The following ALCAM variants were observed in gnomAD, a reference collection of about 807,000 sequenced individuals.
ALCAM encodes the protein activated leukocyte cell adhesion molecule.
ALCAM carries 30 observed loss-of-function variants against 70.9 expected under a neutral mutation model. The ratio of observed to expected loss-of-function variants is 0.42; its 90% confidence interval spans 0.32 to 0.57. The LOEUF (loss-of-function observed/expected upper bound fraction) is 0.57, where lower values mean the gene tolerates loss of function less well. Among genes scored for constraint, ALCAM ranks in the 20% least tolerant of loss-of-function variants. The pLI is 0.11. For synonymous variants in ALCAM, 249 were observed against 242.5 expected, an observed-to-expected ratio of 1.03 and a Z score of -0.25; for missense variants, 591 against 695.1, an observed-to-expected ratio of 0.85 and a Z score of 1.68.
At chr3:105,508,095 C>T (rs1269929743) in intron 1 of ALCAM, among the ~76,000 whole-genome samples, 1 of 152,070 alleles carries the variant, frequency 6.6e-6, no homozygotes, top group African/African-American at 2.4e-5. Context: ...TTCCTGGGAG[C>T]AAGTGCCAAA....
At chr3:105,474,431 C>A (rs998949692) in intron 1 of ALCAM, among the ~76,000 whole-genome samples, 1 of 151,648 alleles carries the variant, frequency 6.6e-6, no homozygotes, top group Non-Finnish European at 1.5e-5. Flanking sequence ...TTTCTGGTTG[C>A]ATGAGAGGAT....
intron 1 of ALCAM, among the ~76,000 whole-genome samples, chr3:105,401,002 TCTTA>T (rs1157107340): frequency 2.6e-5 from 4 of 152,194 alleles, no homozygotes; most frequent in African/African-American, 9.6e-5. Context: ...TACTAAAGAC[TCTTA>T]CTATTAAAGA....
chr3:105,454,547 T>A (rs1937507386), intron 1 of ALCAM, among the ~76,000 whole-genome samples: 2 of 152,126 alleles, frequency 1.3e-5, no homozygotes, highest in South Asian at 4.1e-4. Context: ...TGCCTGTGTG[T>A]TCCAGTCCTA....
At chr3:105,433,342 C>T (rs9876906) in intron 1 of ALCAM, among the ~76,000 whole-genome samples, 13,186 of 152,100 alleles carry the variant, frequency 0.087, 661 homozygotes, top group Non-Finnish European at 0.12. Context: ...AAGTGTTTCA[C>T]TACAAGATCC....
chr3:105,532,216 G>A (rs1939857541), intron 4 of ALCAM, 150 bp downstream of exon 4: 1 of 692,554 alleles, frequency 1.4e-6, no homozygotes, highest in Non-Finnish European at 2.5e-6. Context: ...ACAAGGCACA[G>A]AGGGTACAAC....
chr3:105,538,307 G>T (rs1185266314), intron 6 of ALCAM, among the ~76,000 whole-genome samples: 1 of 152,034 alleles, frequency 6.6e-6, no homozygotes, highest in Non-Finnish European at 1.5e-5. Flanking sequence ...TCAAGACATG[G>T]TGACTGAATG....
At chr3:105,445,737 G>A (rs747640246) in intron 1 of ALCAM, among the ~76,000 whole-genome samples, 4 of 152,106 alleles carry the variant, frequency 2.6e-5, no homozygotes, top group African/African-American at 4.8e-5. Flanking sequence ...AGAAAGGACA[G>A]TCTTTCAATA....
At chr3:105,455,163 C>T (rs1324726630) in intron 1 of ALCAM, among the ~76,000 whole-genome samples, 2 of 151,680 alleles carry the variant, frequency 1.3e-5, no homozygotes, top group Admixed American at 1.3e-4. Flanking sequence ...AACATTTGGC[C>T]GGGCACGGTG....
chr3:105,380,758 G>T (rs932281281), intron 1 of ALCAM, among the ~76,000 whole-genome samples: 2 of 151,564 alleles, frequency 1.3e-5, no homozygotes, highest in Non-Finnish European at 2.9e-5. Context: ...CCAATTCTCT[G>T]GTATATTTAA....
Position 105,416,481 on chromosome 3 carries a change from A to G in ALCAM, c.73+49000A>G, listed in dbSNP as rs183909923. 4.6e-5 allele frequency among the ~76,000 whole-genome samples: 7 copies of G among 152,182 alleles called. No individual in the cohort carries two copies. In the East Asian group the frequency reaches 1.4e-3, roughly 29 times the overall value. On this transcript the variant is annotated intron_variant, in intron 1 of 15. Coordinates refer to ENST00000306107, the MANE Select transcript of ALCAM (RefSeq NM_001627.4). ...AAAATTATATATAAAATCACACCAT[A>G]AATAATACATATAATATACTTAGCT...
intron 14 of ALCAM, among the ~76,000 whole-genome samples, chr3:105,556,733 A>T (rs1234959619): frequency 6.6e-6 from 1 of 152,010 alleles, no homozygotes; most frequent in African/African-American, 2.4e-5. Flanking sequence ...AAAAAAGTTG[A>T]TTTTAACTGA....
Position 105,518,929 on chromosome 3 carries a change from G to A in ALCAM, c.74-1138G>A, listed in dbSNP as rs571012169. Among the ~76,000 whole-genome samples the A allele has an allele frequency of 5.3e-5, 8 of 151,812 alleles. No homozygotes were observed. The East Asian group carries it at 1.4e-3, about 26-fold the overall frequency. On this transcript the variant is annotated intron_variant, in intron 1 of 15. Transcript: ENST00000306107. Reference sequence around the variant, plus strand: ...ACATGGTGATTGATAGATAACAGTCGAAAGATGGTATCCTCCCAGTCCTGT... The same window carrying A: ...ACATGGTGATTGATAGATAACAGTCAAAAGATGGTATCCTCCCAGTCCTGT...
chr3:105,536,440 A>T (rs981203528), intron 6 of ALCAM, among the ~76,000 whole-genome samples: 1 of 152,162 alleles, frequency 6.6e-6, no homozygotes, highest in Non-Finnish European at 1.5e-5. Flanking sequence ...AAACCATATT[A>T]GTGTAAGTGT....
In ALCAM at chr3:105,402,681, A is replaced by C. The variant is rs191971864; in HGVS notation, c.73+35200A>C. ...GCAGCCATAATCCCCCTTGGAATGTAACTCCATTGGAGTTATAACTGCACC... is the reference window on the plus strand; with the variant it reads ...GCAGCCATAATCCCCCTTGGAATGTCACTCCATTGGAGTTATAACTGCACC... On this transcript the variant is annotated intron_variant, in intron 1 of 15. Transcript: ENST00000306107. 2.1e-3 allele frequency among the ~76,000 whole-genome samples: 317 copies of C among 152,100 alleles called. 2 individuals carry two copies. Among genetic ancestry groups the C allele is most frequent in the African/African-American group, 7.3e-3 (301 of 41,496 alleles).
At chr3:105,421,143 C>G (rs1040525346) in intron 1 of ALCAM, among the ~76,000 whole-genome samples, 3 of 151,392 alleles carry the variant, frequency 2.0e-5, no homozygotes, top group African/African-American at 7.3e-5. Flanking sequence ...TAATAACCCT[C>G]TCAGGTAAGA....
chr3:105,506,177 T>C (rs1302892283), intron 1 of ALCAM, among the ~76,000 whole-genome samples: 1 of 152,216 alleles, frequency 6.6e-6, no homozygotes, highest in African/African-American at 2.4e-5. Flanking sequence ...TAATTAAACA[T>C]GTACTAATAG....
chr3:105,432,697 C>T (rs570765977), intron 1 of ALCAM, among the ~76,000 whole-genome samples: 1 of 152,190 alleles, frequency 6.6e-6, no homozygotes, highest in East Asian at 1.9e-4. Context: ...CTTACTAACT[C>T]CTTACTCCTG....
intron 1 of ALCAM, among the ~76,000 whole-genome samples, chr3:105,504,767 C>T (rs188406772): frequency 1.8e-4 from 27 of 152,286 alleles, no homozygotes; most frequent in Admixed American, 4.6e-4. Context: ...TTGGGAAATG[C>T]AACATTTGGG....
At chr3:105,510,495 T>C (rs1939209249) in intron 1 of ALCAM, among the ~76,000 whole-genome samples, 2 of 152,122 alleles carry the variant, frequency 1.3e-5, no homozygotes, top group Non-Finnish European at 2.9e-5. Flanking sequence ...CCACTAGACT[T>C]CACAGAGACT....
Sources: gnomAD v4.1 joint callset for allele counts (sites outside exome capture counted in the v4.1 genomes callset) on GRCh38, gnomAD v4.1.1 for gene constraint, MANE v1.5 for transcripts, NCBI Gene and HGNC (gene_info 2026-07-23, HGNC 2026-07-21) for gene names.